EPHA5: variants seen among roughly 807,000 people sequenced by gnomAD.
EPHA5 encodes EPH receptor A5, also known as ephrin type-A receptor 5.
EPHA5 carries 60 observed loss-of-function variants against 105.0 expected under a neutral mutation model. That is an observed-to-expected ratio of 0.57 (90% CI 0.46 to 0.71). The LOEUF is 0.71. Ranked by LOEUF, EPHA5 falls within the 30% of genes least tolerant of loss-of-function variation. The probability of loss-of-function intolerance (pLI) is 0.00; values close to 1 mark genes in which losing one functional copy is unlikely to be tolerated. For synonymous variants in EPHA5, 513 were observed against 449.1 expected, an observed-to-expected ratio of 1.14 and a Z score of -1.80; for missense variants, 1,218 against 1,274.7, an observed-to-expected ratio of 0.96 and a Z score of 0.68.
chr4:65,374,818 A>C (rs1335523138), intron 8 of EPHA5, among the ~76,000 whole-genome samples: 2 of 151,950 alleles, frequency 1.3e-5, no homozygotes, highest in African/African-American at 4.8e-5. Flanking sequence ...AATGATGATG[A>C]TAGAATGTTT....
chr4:65,427,832 A>G (rs1176139387), intron 5 of EPHA5, among the ~76,000 whole-genome samples: 3 of 152,188 alleles, frequency 2.0e-5, no homozygotes, highest in Admixed American at 1.3e-4. Flanking sequence ...TTCAGTATCT[A>G]TCTGAATAAT....
intron 2 of EPHA5, among the ~76,000 whole-genome samples, chr4:65,613,074 A>G (rs930359767): frequency 6.6e-6 from 1 of 151,918 alleles, no homozygotes; most frequent in Admixed American, 6.6e-5. Context: ...TAGGGGTCCA[A>G]TTTCATTTTT....
At chr4:65,446,876 AT>A (rs1452378791) in intron 5 of EPHA5, among the ~76,000 whole-genome samples, 1 of 152,170 alleles carries the variant, frequency 6.6e-6, no homozygotes, top group Non-Finnish European at 1.5e-5. Context: ...CCAATAAGCC[AT>A]ATTAAAGAGT....
At chr4:65,409,408 T>G (rs1182001037) in intron 7 of EPHA5, among the ~76,000 whole-genome samples, 3 of 151,392 alleles carry the variant, frequency 2.0e-5, no homozygotes. Flanking sequence ...GTAATATTCT[T>G]TAGTAAATAA....
rs575608289 is a variant in EPHA5, at chr4:65,418,862, C to CTTTTTTTTTTTTTTTTTT, written c.1527+1561_1527+1578dup. Among the ~76,000 whole-genome samples, 49 of 47,068 alleles carry CTTTTTTTTTTTTTTTTTT rather than the reference C, an allele frequency of 1.0e-3. 7 individuals are homozygous for CTTTTTTTTTTTTTTTTTT. Among genetic ancestry groups the CTTTTTTTTTTTTTTTTTT allele is most frequent in the Non-Finnish European group, 1.2e-3 (34 of 28,352 alleles). 30.9% of individuals were successfully genotyped at this position (47,068 alleles called of 152,430 possible). ...AACATTCAATACACTTACCTAAACT[C>CTTTTTTTTTTTTTTTTTT]TTTTTTTTTTTTTTTTTTTTTTTTT... On this transcript the variant is annotated intron_variant, in intron 6 of 16. Transcript: ENST00000613740.
chr4:65,643,236 C>A, intron 2 of EPHA5, 127 bp downstream of exon 2: 2 of 681,626 alleles, frequency 2.9e-6, no homozygotes, highest in Non-Finnish European at 5.0e-6. Flanking sequence ...CTCACCCCAT[C>A]CAACACACAC....
At chr4:65,582,806 AAAAT>A (rs1322896881) in intron 3 of EPHA5, among the ~76,000 whole-genome samples, 1 of 151,758 alleles carries the variant, frequency 6.6e-6, no homozygotes, top group African/African-American at 2.4e-5. Flanking sequence ...GCAAAGGTAT[AAAAT>A]AAAGTAAAAT....
intron 3 of EPHA5, among the ~76,000 whole-genome samples, chr4:65,497,022 A>T (rs1033891488): frequency 2.6e-5 from 4 of 152,186 alleles, no homozygotes; most frequent in Non-Finnish European, 4.4e-5. Context: ...TGGCTAATAA[A>T]GCCAAACTTT....
At chr4:65,404,180 A>T (rs561806870) in intron 8 of EPHA5, among the ~76,000 whole-genome samples, 194 bp downstream of exon 8, 1 of 152,172 alleles carries the variant, frequency 6.6e-6, no homozygotes, top group Admixed American at 6.6e-5. Context: ...ATACCTAAAA[A>T]GAGAAATTGT....
chr4:65,580,132 C>A (rs1320654612), intron 3 of EPHA5, among the ~76,000 whole-genome samples: 1 of 151,562 alleles, frequency 6.6e-6, no homozygotes. Flanking sequence ...TGTTTAGTCA[C>A]TTTTTGAAAG....
chr4:65,350,388 A>C (rs950480348), intron 13 of EPHA5, among the ~76,000 whole-genome samples: 3 of 152,058 alleles, frequency 2.0e-5, no homozygotes, highest in Non-Finnish European at 4.4e-5. Context: ...AACCCTTATA[A>C]TCTGAAAAGA....
intron 2 of EPHA5, among the ~76,000 whole-genome samples, chr4:65,640,805 T>A (rs1747596722): frequency 6.6e-6 from 1 of 152,180 alleles, no homozygotes; most frequent in Non-Finnish European, 1.5e-5. Flanking sequence ...TTCCTGAGCA[T>A]ACTTACATCC....
intron 5 of EPHA5, among the ~76,000 whole-genome samples, 185 bp from the exon 6 acceptor site, chr4:65,420,750 A>T (rs188367347): frequency 6.6e-6 from 1 of 152,224 alleles, no homozygotes; most frequent in East Asian, 1.9e-4. Flanking sequence ...AATCAGCTAA[A>T]TATCCTCAGG....
intron 1 of EPHA5, among the ~76,000 whole-genome samples, chr4:65,657,596 A>G (rs1749185774): frequency 6.6e-6 from 1 of 152,154 alleles, no homozygotes; most frequent in South Asian, 2.1e-4. Flanking sequence ...TTTAGTTGGT[A>G]ACTTTTCAGT....
intron 3 of EPHA5, among the ~76,000 whole-genome samples, chr4:65,525,960 T>A (rs1311007171): frequency 2.0e-5 from 3 of 151,852 alleles, no homozygotes; most frequent in African/African-American, 7.2e-5. Flanking sequence ...TTCTGTCAGT[T>A]ACTTAGCCCA....
chr4:65,414,497 A>G (rs1723209371), intron 6 of EPHA5, 54 bp from the exon 7 acceptor site: 4 of 1,563,886 alleles, frequency 2.6e-6, no homozygotes. Context: ...ATTACTAATG[A>G]CAGCAAAATT....
chr4:65,350,365 G>GT (rs199710797), intron 13 of EPHA5, among the ~76,000 whole-genome samples: 1,537 of 147,264 alleles, frequency 0.01, 24 homozygotes, highest in African/African-American at 0.035. Flanking sequence ...AAGCAAAAAT[G>GT]TTTTAAAAAA....
chr4:65,427,820 C>T (rs1215602203), intron 5 of EPHA5, among the ~76,000 whole-genome samples: 1 of 152,128 alleles, frequency 6.6e-6, no homozygotes, highest in African/African-American at 2.4e-5. Context: ...TCATGTCTGT[C>T]TTTCAGTATC....
intron 16 of EPHA5, among the ~76,000 whole-genome samples, chr4:65,327,404 T>G (rs1223680975): frequency 6.6e-6 from 1 of 151,270 alleles, no homozygotes; most frequent in Non-Finnish European, 1.5e-5. Flanking sequence ...TTTACTTCTC[T>G]CTTGCCTTTC....
Sources: allele counts gnomAD v4.1 joint callset (sites outside exome capture counted in the v4.1 genomes callset), GRCh38; gene constraint gnomAD v4.1.1; transcripts MANE v1.5; gene names NCBI Gene and HGNC (gene_info 2026-07-23, HGNC 2026-07-21).